CDC45: variants seen among roughly 807,000 people sequenced by gnomAD.
The protein encoded by CDC45 is cell division cycle 45, also known as cell division control protein 45 homolog.
Under a neutral mutation model 77.8 loss-of-function variants are expected in CDC45, and 54 were observed. The observed-to-expected ratio is 0.69, with a 90% CI of 0.56 to 0.87. CDC45 has a LOEUF of 0.87. Among genes scored for constraint, CDC45 ranks in the 40% least tolerant of loss-of-function variants. CDC45 has a pLI of 0.00. For missense variants in CDC45, 649 were observed against 721.6 expected (o/e 0.90, Z 1.15); for synonymous variants, 260 against 272.1 (o/e 0.96, Z 0.44).
intron 17 of CDC45, among the ~76,000 whole-genome samples, chr22:19,518,236 A>T (rs1933909754): frequency 6.6e-6 from 1 of 152,292 alleles, no homozygotes; most frequent in Admixed American, 6.5e-5. Context: ...GTGAGGGTGC[A>T]GAGTGGGCCA....
At chr22:19,490,932 G>A (rs1418547282) in intron 5 of CDC45, among the ~76,000 whole-genome samples, 1 of 149,722 alleles carries the variant, frequency 6.7e-6, no homozygotes, top group African/African-American at 2.5e-5. Context: ...GGTTCAAGCA[G>A]TACTCCTGCC....
At chr22:19,502,732 C>T (rs1220290906) in intron 9 of CDC45, among the ~76,000 whole-genome samples, 1 of 152,182 alleles carries the variant, frequency 6.6e-6, no homozygotes, top group Non-Finnish European at 1.5e-5. Flanking sequence ...TAAAAACTTA[C>T]CCTTTCTTTT....
intron 9 of CDC45, among the ~76,000 whole-genome samples, chr22:19,502,116 T>C (rs1932922054): frequency 6.6e-6 from 1 of 152,212 alleles, no homozygotes; most frequent in Admixed American, 6.5e-5. Context: ...AAGATTCAGC[T>C]GTTATCATTA....
At position 19,497,556 on chromosome 22, in the gene CDC45, A is replaced by G. The variant is rs898940198; in HGVS notation, c.653+109A>G. On this transcript the variant is annotated intron_variant, in intron 8 of 18. Coordinates refer to ENST00000263201, the MANE Select transcript of CDC45 (RefSeq NM_003504.5). ...GGGTGTTTCCCTTGTCCCCACCAGG[A>G]GTGTCAGATGCAGCCCCTTTCTGGG... 3.4e-6 allele frequency: 3 copies of G among 894,770 alleles called. No homozygotes were observed. The African/African-American group carries it at 4.9e-5, about 15-fold the overall frequency. The allele number at this position is 894,770 out of a possible 1,614,324, so 55.4% of individuals were successfully genotyped here. A position where few individuals can be genotyped will look rare whatever the true frequency, so the allele number is the denominator to read the frequency against.
intron 9 of CDC45, among the ~76,000 whole-genome samples, chr22:19,501,626 A>G (rs941111910): frequency 1.3e-5 from 2 of 152,196 alleles, no homozygotes; most frequent in Admixed American, 1.3e-4. Flanking sequence ...CATTCATACA[A>G]TTTACATTTC....
intron 8 of CDC45, among the ~76,000 whole-genome samples, chr22:19,497,996 T>C (rs1314681995): frequency 6.8e-6 from 1 of 146,778 alleles, no homozygotes; most frequent in African/African-American, 2.4e-5. Flanking sequence ...GGTAAAACCC[T>C]GTCTCTACCA....
Position 19,507,773 on chromosome 22 carries a change from C to T in CDC45, c.964C>T (p.Leu322=), listed in dbSNP as rs774101130. ...QEFLADMGLP[L]KQVKQKFQAM... ...TGGGCTTGCTCTTTCCAGTCTTCCC[C>T]TGAAGCAGGTGAAGCAGAAGTTCCA... The change falls in exon 12 of 19, where the codon CTG becomes TTG. Residue 322 remains leucine (L), a synonymous_variant. Coordinates refer to ENST00000263201, the MANE Select transcript of CDC45 (RefSeq NM_003504.5). 2 of 1,597,162 alleles carry T rather than the reference C, an allele frequency of 1.3e-6. No individual in the cohort carries two copies. Among genetic ancestry groups the T allele is most frequent in the East Asian group, 2.2e-5 (1 of 44,684 alleles).
chr22:19,512,608 A>G (rs929174848), intron 13 of CDC45, among the ~76,000 whole-genome samples: 4 of 152,204 alleles, frequency 2.6e-5, no homozygotes, highest in Non-Finnish European at 5.9e-5. Flanking sequence ...GACATTGTCT[A>G]CCAACTTCCT....
chr22:19,503,279 C>T (rs572793967), intron 9 of CDC45, among the ~76,000 whole-genome samples: 1 of 152,312 alleles, frequency 6.6e-6, no homozygotes, highest in South Asian at 2.1e-4. Context: ...CTCTTGTCTT[C>T]CCAGTTTCAC....
Position 19,482,820 on chromosome 22 carries a change from ATACCCAGGTACTTT to A in CDC45, c.337_342+8del. On this transcript the variant is annotated splice_donor_variant and splice_donor_5th_base_variant and coding_sequence_variant and intron_variant, in exon 4 of 19. Coordinates refer to ENST00000263201, the MANE Select transcript of CDC45 (RefSeq NM_003504.5). LOFTEE classifies it high-confidence loss of function. ...GTCAATGTCGTCAATGTATACAACG[ATACCCAGGTACTTT>A]TTGTGCTATGCCCTCAAACTGTCTG... 1 of 1,614,044 alleles carries A rather than the reference ATACCCAGGTACTTT, an allele frequency of 6.2e-7. No homozygotes were observed. The highest frequency in any genetic ancestry group is 8.5e-7 in the Non-Finnish European group (1 of 1,179,924).
chr22:19,519,026 G>A, intron 18 of CDC45, 117 bp downstream of exon 18: 7 of 798,496 alleles, frequency 8.8e-6, no homozygotes, highest in South Asian at 3.0e-5. Flanking sequence ...ACCGAAGCAG[G>A]GTTCTTGAGA....
chr22:19,516,888 T>C lies in CDC45; in HGVS notation c.1631T>C (p.Leu544Pro), dbSNP rs1253100010. 1.2e-6 allele frequency: 2 copies of C among 1,613,244 alleles called. No individual in the cohort carries two copies. Among genetic ancestry groups the C allele is most frequent in the Non-Finnish European group, 1.7e-6 (2 of 1,179,240 alleles). The change falls in exon 17 of 19, where the codon CTC becomes CCC. Residue 544 changes from leucine (L) to proline (P), a missense_variant. Transcript: ENST00000263201. ...SSRMLHNHFD[L>P]SVIELKAEDR... is the part of the protein sequence containing the mutation. ...CGGATGCTGCACAACCATTTTGACC[T>C]CTCAGGTGAGAGTCTCCTGCCACTC...
chr22:19,504,110 C>G (rs1187837108), intron 9 of CDC45, among the ~76,000 whole-genome samples: 1 of 152,158 alleles, frequency 6.6e-6, no homozygotes, highest in African/African-American at 2.4e-5. Flanking sequence ...CGAGGCTAGA[C>G]TCACCATAAT....
chr22:19,489,629 T>C (rs970769006), intron 5 of CDC45, among the ~76,000 whole-genome samples: 1 of 152,236 alleles, frequency 6.6e-6, no homozygotes, highest in Admixed American at 6.5e-5. Context: ...TTTTCTGTTT[T>C]TGTTAGATTT....
intron 10 of CDC45, 61 bp from the exon 11 acceptor site, chr22:19,507,325 A>G (rs1187893085): frequency 1.3e-6 from 2 of 1,587,934 alleles, no homozygotes; most frequent in East Asian, 4.5e-5. Flanking sequence ...CACCTGCTGG[A>G]GTTACGAGAG....
chr22:19,487,761 A>T (rs1412211103), intron 5 of CDC45, among the ~76,000 whole-genome samples: 1 of 151,530 alleles, frequency 6.6e-6, no homozygotes, highest in Non-Finnish European at 1.5e-5. Context: ...AAATACAAAA[A>T]ATTTCCCGGG....
chr22:19,507,910 A>G, intron 12 of CDC45, 46 bp downstream of exon 12: 1 of 1,310,592 alleles, frequency 7.6e-7, no homozygotes, highest in Non-Finnish European at 1.1e-6. Context: ...ATCCAGGTTC[A>G]TTAAAGTGAA....
chr22:19,510,552 A>G (rs532469998), intron 13 of CDC45, among the ~76,000 whole-genome samples: 1 of 152,220 alleles, frequency 6.6e-6, no homozygotes, highest in African/African-American at 2.4e-5. Flanking sequence ...GCCACCTGAG[A>G]CAGAGTCTCA....
chr22:19,488,712 G>A (rs888459233), intron 5 of CDC45, among the ~76,000 whole-genome samples: 1 of 152,170 alleles, frequency 6.6e-6, no homozygotes, highest in Non-Finnish European at 1.5e-5. Context: ...TTTAACAAAT[G>A]TATAAAGATG....
Sources: gnomAD v4.1 joint callset for allele counts (sites outside exome capture counted in the v4.1 genomes callset) on GRCh38, gnomAD v4.1.1 for gene constraint, MANE v1.5 for transcripts, NCBI Gene and HGNC (gene_info 2026-07-23, HGNC 2026-07-21) for gene names.